CD163L1: variants seen among roughly 807,000 people sequenced by gnomAD.
CD163L1 encodes CD163 molecule like 1.
A neutral mutation model predicts 165.4 loss-of-function variants in CD163L1; 124 were observed. That is an observed-to-expected ratio of 0.75 (90% CI 0.65 to 0.87). The LOEUF is 0.87. CD163L1 is among the 40% of genes least tolerant of loss of function. The pLI, the probability that CD163L1 is intolerant of heterozygous loss-of-function variation, is 0.00. For missense variants in CD163L1, 1,525 were observed against 1,799.9 expected, an observed-to-expected ratio of 0.85 and a Z score of 2.76; for synonymous variants, 585 against 662.2, an observed-to-expected ratio of 0.88 and a Z score of 1.79.
At chr12:7,403,400 T>G in intron 6 of CD163L1, 135 bp downstream of exon 6, 1 of 796,360 alleles carries the variant, frequency 1.3e-6, no homozygotes, top group Non-Finnish European at 1.9e-6. Context: ...GAAAAGTTCT[T>G]TGTGCAGCTT....
At position 7,369,792 on chromosome 12, in the gene CD163L1, CA is replaced by C. The variant is rs1947108549; in HGVS notation, c.3731-128del. ...GGGTGTGGTAAGGAAGGCAGAATTT[CA>C]ATGTTACATAGATTAGACAAGAACC... On this transcript the variant is annotated intron_variant, in intron 14 of 19. Coordinates refer to ENST00000313599, the MANE Select transcript of CD163L1 (RefSeq NM_174941.6). This position sits in a 1 kb window ranked among gnomAD's most constrained non-coding sequence, Gnocchi z 4.9. 1.3e-6 allele frequency: 1 copy of C among 764,630 alleles called. No homozygotes were observed. Among genetic ancestry groups the C allele is most frequent in the South Asian group, 1.8e-5 (1 of 56,564 alleles). The allele number at this position is 764,630 out of a possible 1,614,324, so 47.4% of individuals were successfully genotyped here. A position where few individuals can be genotyped will look rare whatever the true frequency, so the allele number is the denominator to read the frequency against.
At chr12:7,421,040 T>C (rs1307383318) in intron 4 of CD163L1, among the ~76,000 whole-genome samples, 1 of 100,184 alleles carries the variant, frequency 1.0e-5, no homozygotes, top group African/African-American at 6.3e-5. Context: ...TATATACGTG[T>C]ATATATATGT....
chr12:7,347,029 T>A lies in CD163L1; in HGVS notation c.*143A>T, dbSNP rs1946675296. 6.6e-6 allele frequency: 1 copy of A among 152,214 alleles called. No individual in the cohort carries two copies. 9.4% of individuals were successfully genotyped at this position (152,214 alleles called of 1,614,324 possible). ...TGCAAAGGGATGCTCTCTGCTTACC[T>A]GCAGCAGAAAAACTGATCACACTGT... On this transcript the variant is annotated 3_prime_UTR_variant, in exon 5 of 5. Transcript: ENST00000539726. The surrounding 1 kb of genome is among the most constrained non-coding windows in gnomAD (Gnocchi z 4.2).
intron 2 of CD163L1, among the ~76,000 whole-genome samples, chr12:7,438,278 T>C (rs995565344): frequency 1.1e-4 from 17 of 152,302 alleles, no homozygotes; most frequent in Admixed American, 7.2e-4. Context: ...ATTGCATATA[T>C]AAATACTCTC....
At chr12:7,410,867 A>G (rs1948126385) in intron 4 of CD163L1, among the ~76,000 whole-genome samples, 1 of 148,558 alleles carries the variant, frequency 6.7e-6, no homozygotes, top group Admixed American at 6.7e-5. Context: ...AAATATATAT[A>G]TATAATAAAA....
the CD163L1 span, chr12:7,322,535 G>A: frequency 8.1e-6 from 13 of 1,613,224 alleles, no homozygotes; most frequent in East Asian, 2.2e-5. Flanking sequence ...ATGGACAGAC[G>A]GAAGTGGTAT....
chr12:7,325,724 A>G, the CD163L1 span, among the ~76,000 whole-genome samples: 1 of 152,226 alleles, frequency 6.6e-6, no homozygotes, highest in African/African-American at 2.4e-5. Flanking sequence ...GATCTAAGGA[A>G]AGGGAACTCT....
At chr12:7,360,477 C>T (rs968503687) in intron 18 of CD163L1, among the ~76,000 whole-genome samples, 2 of 152,062 alleles carry the variant, frequency 1.3e-5, no homozygotes, top group African/African-American at 4.8e-5. Flanking sequence ...CCCATGGATT[C>T]CTCTCTTCCC....
At chr12:7,334,811 A>ACG in the CD163L1 span, among the ~76,000 whole-genome samples, 1 of 152,254 alleles carries the variant, frequency 6.6e-6, no homozygotes, top group Admixed American at 6.5e-5. Flanking sequence ...TACAAAATCA[A>ACG]TATGCAAAAA....
intron 8 of CD163L1, among the ~76,000 whole-genome samples, chr12:7,394,130 T>G (rs1591919706): frequency 6.7e-6 from 1 of 150,256 alleles, no homozygotes; most frequent in Non-Finnish European, 1.5e-5. Context: ...AAAAATCACA[T>G]AGCCAAGACA....
chr12:7,321,130 A>G, the CD163L1 span, among the ~76,000 whole-genome samples: 1 of 152,120 alleles, frequency 6.6e-6, no homozygotes, highest in Non-Finnish European at 1.5e-5. Context: ...GGACAACTGG[A>G]CATTTTTCCA....
intron 4 of CD163L1, among the ~76,000 whole-genome samples, chr12:7,424,500 G>A (rs1948504635): frequency 6.6e-6 from 1 of 152,174 alleles, no homozygotes; most frequent in Admixed American, 6.5e-5. Context: ...AATCAGGCAA[G>A]AGAAAGAAAT....
the CD163L1 span, chr12:7,324,474 G>A: frequency 6.2e-7 from 1 of 1,613,792 alleles, no homozygotes; most frequent in Non-Finnish European, 8.5e-7. Context: ...GGATGTGGTG[G>A]TCAAAAACTT....
chr12:7,439,920 C>G, intron 2 of CD163L1: 5 of 1,598,010 alleles, frequency 3.1e-6, no homozygotes, highest in South Asian at 2.3e-5. Context: ...CTTCGGCCAA[C>G]TCCTCAGTGC....
intron 4 of CD163L1, among the ~76,000 whole-genome samples, chr12:7,414,764 T>G (rs1016368584): frequency 7.2e-5 from 11 of 152,134 alleles, no homozygotes; most frequent in African/African-American, 2.7e-4. Flanking sequence ...ATGAATTTTC[T>G]CAACAGAACC....
the CD163L1 span, among the ~76,000 whole-genome samples, chr12:7,328,947 A>G: frequency 1.3e-5 from 2 of 149,250 alleles, no homozygotes; most frequent in African/African-American, 4.9e-5. Context: ...GTATATATGT[A>G]TATATACTGT....
At chr12:7,380,086 T>C (rs987323857) in intron 8 of CD163L1, among the ~76,000 whole-genome samples, 2 of 151,988 alleles carry the variant, frequency 1.3e-5, no homozygotes, top group Non-Finnish European at 2.9e-5. Flanking sequence ...GGAGATTCTT[T>C]AAAGAACTAA....
intron 4 of CD163L1, among the ~76,000 whole-genome samples, chr12:7,424,166 G>C (rs1948494854): frequency 6.6e-6 from 1 of 152,082 alleles, no homozygotes; most frequent in Non-Finnish European, 1.5e-5. Flanking sequence ...TGCCAGGCTG[G>C]TTCAACATAC....
chr12:7,334,767 T>C, the CD163L1 span, among the ~76,000 whole-genome samples: 1 of 152,192 alleles, frequency 6.6e-6, no homozygotes, highest in Admixed American at 6.5e-5. Context: ...AAAATCTCCT[T>C]AAGCTGATAA....
Sources: allele counts gnomAD v4.1 joint callset (sites outside exome capture counted in the v4.1 genomes callset), GRCh38; gene constraint gnomAD v4.1.1; non-coding constraint Gnocchi (gnomAD v3.1); transcripts MANE v1.5; gene names NCBI Gene and HGNC (gene_info 2026-07-23, HGNC 2026-07-21).